Variants in KCNG3 observed in about 807,000 individuals in gnomAD.
The protein encoded by KCNG3 is voltage-gated potassium channel regulatory subunit KCNG3.
KCNG3 carries 15 observed loss-of-function variants against 29.0 expected under a neutral mutation model. That is an observed-to-expected ratio of 0.52 (90% CI 0.35 to 0.80). The LOEUF is 0.80. KCNG3 is among the 30% of genes least tolerant of loss of function. The probability of loss-of-function intolerance (pLI) is 0.01; values close to 1 mark genes in which losing one functional copy is unlikely to be tolerated. For synonymous variants in KCNG3, 322 were observed against 248.9 expected (o/e 1.29, Z -2.76); for missense variants, 512 against 605.7 (o/e 0.85, Z 1.62).
intron 1 of KCNG3, among the ~76,000 whole-genome samples, chr2:42,459,923 C>T (rs1395622885): frequency 6.6e-6 from 1 of 151,198 alleles, no homozygotes; most frequent in Non-Finnish European, 1.5e-5. Context: ...TTGCAGGGAG[C>T]CGAGATTGCA....
chr2:42,441,296 G>A (rs1490333958), downstream of KCNG3, among the ~76,000 whole-genome samples: 1 of 152,132 alleles, frequency 6.6e-6, no homozygotes, highest in African/African-American at 2.4e-5. Context: ...GCTGGGGTGG[G>A]AGGACTGCTT....
intron 1 of KCNG3, among the ~76,000 whole-genome samples, chr2:42,461,282 C>T (rs1307906687): frequency 2.0e-5 from 3 of 149,950 alleles, no homozygotes; most frequent in Non-Finnish European, 3.0e-5. Context: ...GTGTTCATTA[C>T]GCTCTAACAG....
At chr2:42,456,870 C>T (rs1427165868) in intron 1 of KCNG3, among the ~76,000 whole-genome samples, 1 of 152,146 alleles carries the variant, frequency 6.6e-6, no homozygotes, top group African/African-American at 2.4e-5. Flanking sequence ...CACTTCATTA[C>T]CTAGAGTCTT....
chr2:42,466,578 T>C (rs1477931250), intron 1 of KCNG3, among the ~76,000 whole-genome samples: 1 of 152,058 alleles, frequency 6.6e-6, no homozygotes, highest in East Asian at 1.9e-4. Context: ...CCATCTAGGT[T>C]TGTGTGAGGA....
the KCNG3 span, among the ~76,000 whole-genome samples, chr2:42,420,408 A>G: frequency 6.6e-6 from 1 of 152,160 alleles, no homozygotes; most frequent in African/African-American, 2.4e-5. Context: ...GAATTAATGC[A>G]AAGACTATGC....
chr2:42,470,988 C>CA (rs1320686836), intron 1 of KCNG3, among the ~76,000 whole-genome samples: 1 of 151,818 alleles, frequency 6.6e-6, no homozygotes, highest in Non-Finnish European at 1.5e-5. Flanking sequence ...CCTAACTCTA[C>CA]AAAAAATGTT....
chr2:42,459,232 C>G (rs1037863147), intron 1 of KCNG3, among the ~76,000 whole-genome samples: 4 of 151,122 alleles, frequency 2.6e-5, no homozygotes, highest in East Asian at 3.9e-4. Flanking sequence ...AGTGAGAAGA[C>G]AGAATGGTAT....
At chr2:42,430,676 G>A in the KCNG3 span, among the ~76,000 whole-genome samples, 2 of 152,078 alleles carry the variant, frequency 1.3e-5, no homozygotes, top group African/African-American at 2.4e-5. Flanking sequence ...AGGATCACTT[G>A]AGCCCAGATG....
the KCNG3 span, among the ~76,000 whole-genome samples, chr2:42,411,462 A>C: frequency 1.3e-5 from 2 of 151,870 alleles, no homozygotes; most frequent in Admixed American, 1.3e-4. Context: ...CTATTTTTAA[A>C]GTTTTCTTCA....
intron 1 of KCNG3, among the ~76,000 whole-genome samples, chr2:42,492,591 C>A (rs1401700035): frequency 6.6e-6 from 1 of 152,228 alleles, no homozygotes; most frequent in Non-Finnish European, 1.5e-5. Flanking sequence ...ACGCCCCTCC[C>A]CATGCCTGAG....
chr2:42,403,612 C>T, the KCNG3 span, among the ~76,000 whole-genome samples: 13 of 130,828 alleles, frequency 9.9e-5, no homozygotes, highest in Admixed American at 4.4e-4. Flanking sequence ...CTCTACGTGA[C>T]TTTTTTTTCT....
chr2:42,462,222 C>T (rs1988650), intron 1 of KCNG3, among the ~76,000 whole-genome samples: 23,785 of 152,218 alleles, frequency 0.16, 2,475 homozygotes, highest in East Asian at 0.37. Flanking sequence ...ATTTCATACT[C>T]TAGTGCAAGG....
At chr2:42,475,682 T>C (rs776948056) in intron 1 of KCNG3, among the ~76,000 whole-genome samples, 2 of 151,388 alleles carry the variant, frequency 1.3e-5, no homozygotes, top group Non-Finnish European at 2.9e-5. Context: ...TGACTGTAAA[T>C]TGTGTCAAAT....
chr2:42,468,569 T>C (rs1191986269), intron 1 of KCNG3, among the ~76,000 whole-genome samples: 1 of 152,096 alleles, frequency 6.6e-6, no homozygotes, highest in Non-Finnish European at 1.5e-5. Flanking sequence ...TAGATGAAAA[T>C]CATAAAACTT....
the KCNG3 span, among the ~76,000 whole-genome samples, chr2:42,407,622 G>A: frequency 6.6e-6 from 1 of 152,284 alleles, no homozygotes; most frequent in South Asian, 2.1e-4. Context: ...TGCTCCTCCA[G>A]GGAGCCCCGC....
At chr2:42,393,811 C>T in the KCNG3 span, among the ~76,000 whole-genome samples, 1 of 151,786 alleles carries the variant, frequency 6.6e-6, no homozygotes, top group Non-Finnish European at 1.5e-5. Context: ...GACAGAGTCT[C>T]GGTCTGTCGC....
At chr2:42,484,079 T>G (rs1248882823) in intron 1 of KCNG3, among the ~76,000 whole-genome samples, 2 of 152,164 alleles carry the variant, frequency 1.3e-5, no homozygotes, top group East Asian at 3.9e-4. Flanking sequence ...CCCCTGCTCC[T>G]GGCATGAAAA....
At chr2:42,479,407 G>A (rs1317020780) in intron 1 of KCNG3, among the ~76,000 whole-genome samples, 1 of 152,116 alleles carries the variant, frequency 6.6e-6, no homozygotes, top group Non-Finnish European at 1.5e-5. Context: ...ACTTTGGGAG[G>A]CCAAGGTGGG....
At chr2:42,462,458 G>C (rs1205150123) in intron 1 of KCNG3, among the ~76,000 whole-genome samples, 2 of 152,110 alleles carry the variant, frequency 1.3e-5, no homozygotes, top group Admixed American at 1.3e-4. Flanking sequence ...CAGCACTTTG[G>C]ATTACTTGAG....
Sources: gnomAD v4.1 joint callset for allele counts (sites outside exome capture counted in the v4.1 genomes callset) on GRCh38, gnomAD v4.1.1 for gene constraint, MANE v1.5 for transcripts, NCBI Gene and HGNC (gene_info 2026-07-23, HGNC 2026-07-21) for gene names.